TRIM9: variants seen among roughly 807,000 people sequenced by gnomAD.
TRIM9 encodes the protein tripartite motif containing 9.
Under a neutral mutation model 78.3 loss-of-function variants are expected in TRIM9, and 26 were observed. That is an observed-to-expected ratio of 0.33 (90% confidence interval 0.24 to 0.46). TRIM9 has a LOEUF of 0.46. Ranked by LOEUF, TRIM9 falls within the 20% of genes least tolerant of loss-of-function variation. The pLI is 1.00. For missense variants in TRIM9, 787 were observed against 1,036.4 expected (o/e 0.76, Z 3.30); for synonymous variants, 398 against 416.5 (o/e 0.96, Z 0.54).
At chr14:50,984,475 T>G (rs1430204935) in intron 8 of TRIM9, among the ~76,000 whole-genome samples, 1 of 152,224 alleles carries the variant, frequency 6.6e-6, no homozygotes, top group African/African-American at 2.4e-5. Context: ...TCCTCCCATC[T>G]CATGGCTGAT....
intron 6 of TRIM9, among the ~76,000 whole-genome samples, chr14:50,998,968 C>T (rs2054587576): frequency 6.6e-6 from 1 of 152,164 alleles, no homozygotes; most frequent in African/African-American, 2.4e-5. Context: ...CTTGGATCAC[C>T]CATCAATTCA....
At chr14:51,077,820 T>C (rs1297698168) in intron 1 of TRIM9, among the ~76,000 whole-genome samples, 5 of 152,236 alleles carry the variant, frequency 3.3e-5, no homozygotes, top group African/African-American at 4.8e-5. Context: ...AGCTGCTCCA[T>C]ACCTTGGTTT....
Position 50,985,974 on chromosome 14 carries a change from G to A in TRIM9, c.1774C>T (p.Gln592Ter). Reference sequence around the variant, plus strand: ...AGCTCACCCGGTGCATTGAGAGACTGTAAAGAGGAATGCAAGCTCAGCTGG... The same window carrying A: ...AGCTCACCCGGTGCATTGAGAGACTATAAAGAGGAATGCAAGCTCAGCTGG... The part of the protein sequence containing the change: ...PHQLSLHSSL[Q>*]SLNAPGCNFE... Residue 592 changes from glutamine to a stop codon, truncating the protein, a stop_gained, in exon 8 of 13, where the codon CAG becomes TAG. Coordinates refer to ENST00000684578, the MANE Select transcript of TRIM9 (RefSeq NM_001387360.1). LOFTEE classifies it high-confidence loss of function. 1 of 1,544,018 alleles carries A rather than the reference G, an allele frequency of 6.5e-7. No individual in the cohort carries two copies.
rs938156972 is a variant in TRIM9, at chr14:50,978,861, G to A, written c.2325+526C>T. 3.1e-6 allele frequency: 3 copies of A among 962,886 alleles called. No individual in the cohort carries two copies. The South Asian group carries it at 1.4e-4, about 46-fold the overall frequency. The allele number at this position is 962,886 out of a possible 1,614,324, so 59.6% of individuals were successfully genotyped here. A position where few individuals can be genotyped will look rare whatever the true frequency, so the allele number is the denominator to read the frequency against. On this transcript the variant is annotated intron_variant, in intron 12 of 12. Coordinates refer to ENST00000684578, the MANE Select transcript of TRIM9 (RefSeq NM_001387360.1). The stretch of plus-strand genomic sequence containing the variant: ...TATTTGCTGAATGAATAAATGAGAA[G>A]CTGTTGTTTTATTCTATAATAAATA...
At chr14:51,030,342 G>A (rs1284143327) in intron 1 of TRIM9, among the ~76,000 whole-genome samples, 2 of 152,188 alleles carry the variant, frequency 1.3e-5, no homozygotes, top group Non-Finnish European at 2.9e-5. Flanking sequence ...CTGCAAGAAT[G>A]GATCCCTTCT....
chr14:51,013,316 C>A (rs986992888), intron 3 of TRIM9, among the ~76,000 whole-genome samples: 1 of 151,480 alleles, frequency 6.6e-6, no homozygotes, highest in Non-Finnish European at 1.5e-5. Flanking sequence ...AGTCTTAGCA[C>A]CTTGTGAAAA....
chr14:50,985,957 CG>C lies in TRIM9; in HGVS notation c.1790del (p.Pro597ArgfsTer15). 1 of 1,528,260 alleles carries C rather than the reference CG, an allele frequency of 6.5e-7. No homozygotes were observed. Among genetic ancestry groups the C allele is most frequent in the Admixed American group, 2.0e-5 (1 of 48,804 alleles). 94.7% of individuals were successfully genotyped at this position (1,528,260 alleles called of 1,614,324 possible). A position where few individuals can be genotyped will look rare whatever the true frequency, so the allele number is the denominator to read the frequency against. ...LHSSLQSLNA[P>X]GCNFETQSAP... ...AAAGGTCTGAGGAGCTCAGCTCACCCGGTGCATTGAGAGACTGTAAAGAGGA... is the reference window on the plus strand; with the variant it reads ...AAAGGTCTGAGGAGCTCAGCTCACCCGTGCATTGAGAGACTGTAAAGAGGA... On this transcript the variant is annotated frameshift_variant and splice_region_variant, in exon 8 of 13. Coordinates refer to ENST00000684578, the MANE Select transcript of TRIM9 (RefSeq NM_001387360.1). LOFTEE classifies it high-confidence loss of function.
chr14:51,066,750 G>A (rs778283812), intron 1 of TRIM9, among the ~76,000 whole-genome samples: 1 of 152,236 alleles, frequency 6.6e-6, no homozygotes, highest in Non-Finnish European at 1.5e-5. Context: ...GCAGAAAACG[G>A]AAGTGAGGTA....
At chr14:51,034,911 T>C (rs1252717776) in intron 1 of TRIM9, among the ~76,000 whole-genome samples, 1 of 152,162 alleles carries the variant, frequency 6.6e-6, no homozygotes, top group African/African-American at 2.4e-5. Flanking sequence ...ATAGTACCCA[T>C]CTTGCTGGGT....
rs771507087 is a variant in TRIM9 at position 50,981,942 on chromosome 14, C to T, written c.2020G>A (p.Asp674Asn). Reference sequence around the variant, plus strand: ...CCAAAGGCAGGATCAGGGTGGTTGTCATAGCGATCTACCGTGAGCTCCCAG... The same window carrying T: ...CCAAAGGCAGGATCAGGGTGGTTGTTATAGCGATCTACCGTGAGCTCCCAG... Reference protein sequence around the residue: ...HYWELTVDRYDNHPDPAFGVA... With the variant: ...HYWELTVDRYNNHPDPAFGVA... The change falls in exon 11 of 13, where the codon GAC (aspartate) becomes AAC (asparagine). Residue 674 changes from aspartate to asparagine, a missense_variant. Physicochemically the swap from Asp to Asn is conservative, Grantham distance 23. This residue lies in a region of TRIM9 where 421 missense variants were observed against 514.3 expected (regional missense o/e 0.82). Coordinates refer to ENST00000684578, the MANE Select transcript of TRIM9 (RefSeq NM_001387360.1). 6.2e-7 allele frequency: 1 copy of T among 1,614,220 alleles called. No homozygotes were observed. Among genetic ancestry groups the T allele is most frequent in the Admixed American group, 1.7e-5 (1 of 60,024 alleles).
At position 50,982,087 on chromosome 14, in the gene TRIM9, G is replaced by A. The variant is rs141610603; in HGVS notation, c.1875C>T (p.Phe625=). 324 of 1,613,902 alleles carry A rather than the reference G, an allele frequency of 2.0e-4. No homozygotes were observed. The African/African-American group carries it at 2.9e-3, about 14-fold the overall frequency. ...KKLLAVAWFA[F]DPGSAHSDII... ...TGTCCGAGTGCGCCGAGCCAGGGTC[G>A]AAAGCAAACCAGGCCACTGGGAACA... Residue 625 remains phenylalanine (F), a synonymous_variant, in exon 11 of 13, where the codon TTC becomes TTT. Transcript: ENST00000684578.
intron 5 of TRIM9, among the ~76,000 whole-genome samples, chr14:51,005,945 T>C (rs995501996): frequency 3.3e-5 from 5 of 152,202 alleles, no homozygotes; most frequent in African/African-American, 1.2e-4. Context: ...AGTGCATTCT[T>C]GCTGAATAGC....
intron 1 of TRIM9, among the ~76,000 whole-genome samples, chr14:51,049,239 T>A (rs917720070): frequency 6.6e-6 from 1 of 152,144 alleles, no homozygotes; most frequent in Admixed American, 6.5e-5. Flanking sequence ...TTTGTTTTTG[T>A]ATTTTTAGTA....
intron 7 of TRIM9, among the ~76,000 whole-genome samples, chr14:50,990,042 G>T (rs1266386164): frequency 6.6e-6 from 1 of 152,038 alleles, no homozygotes; most frequent in East Asian, 1.9e-4. Context: ...TTAGAGACAG[G>T]GTCTCACTTG....
chr14:51,040,675 T>C (rs144893920), intron 1 of TRIM9, among the ~76,000 whole-genome samples: 1 of 152,344 alleles, frequency 6.6e-6, no homozygotes, highest in East Asian at 1.9e-4. Context: ...ATGCCCTAAG[T>C]TTTTAAGAAC....
At chr14:51,027,261 A>C (rs2884018) in intron 1 of TRIM9, among the ~76,000 whole-genome samples, 104,397 of 149,952 alleles carry the variant, frequency 0.7, 36,388 homozygotes, top group South Asian at 0.77. Context: ...CTCCTGCCTC[A>C]GCCTCCCGAA....
chr14:51,021,888 C>CA (rs2057791153), intron 3 of TRIM9, among the ~76,000 whole-genome samples: 1 of 152,176 alleles, frequency 6.6e-6, no homozygotes, highest in African/African-American at 2.4e-5. Flanking sequence ...CATGTCATGA[C>CA]AAAATTCTTT....
chr14:51,053,782 A>G (rs1596277515), intron 1 of TRIM9, among the ~76,000 whole-genome samples: 1 of 148,248 alleles, frequency 6.7e-6, no homozygotes, highest in Admixed American at 6.7e-5. Flanking sequence ...AGAGTGTGAT[A>G]TTCCCCTTCC....
intron 5 of TRIM9, among the ~76,000 whole-genome samples, chr14:51,006,767 C>A (rs987564569): frequency 6.6e-6 from 1 of 152,114 alleles, no homozygotes; most frequent in Non-Finnish European, 1.5e-5. Flanking sequence ...TGGATTTGTG[C>A]TGGGAGAGGG....
Sources: gnomAD v4.1 joint callset for allele counts (sites outside exome capture counted in the v4.1 genomes callset) on GRCh38, gnomAD v4.1.1 for gene constraint, gnomAD v4.1.1 regional missense constraint, MANE v1.5 for transcripts, NCBI Gene and HGNC (gene_info 2026-07-23, HGNC 2026-07-21) for gene names.